The following DTNA variants were observed in gnomAD, a reference collection of about 807,000 sequenced individuals.
DTNA encodes the protein dystrobrevin alpha, also known as dystrophin-related protein 3.
Under a neutral mutation model 100.7 loss-of-function variants are expected in DTNA, and 43 were observed. The observed-to-expected ratio is 0.43, with a 90% CI of 0.33 to 0.55. DTNA has a LOEUF of 0.55. DTNA is among the 20% of genes least tolerant of loss of function. DTNA has a pLI of 0.04. For missense variants in DTNA, 798 were observed against 953.9 expected (o/e 0.84, Z 2.15); for synonymous variants, 349 against 347.9 (o/e 1.00, Z -0.04).
At chr18:34,550,744 T>C (rs1244560354) in intron 1 of DTNA, among the ~76,000 whole-genome samples, 3 of 152,168 alleles carry the variant, frequency 2.0e-5, no homozygotes, top group East Asian at 1.9e-4. Flanking sequence ...GATCTTCAAC[T>C]TTTTTCTATT....
intron 1 of DTNA, among the ~76,000 whole-genome samples, chr18:34,697,034 C>T (rs1385506081): frequency 1.3e-5 from 2 of 152,146 alleles, no homozygotes; most frequent in Non-Finnish European, 2.9e-5. Context: ...TAACAATCTA[C>T]GATGCTCAGG....
chr18:34,847,855 G>A (rs2096407915), intron 13 of DTNA, among the ~76,000 whole-genome samples: 1 of 152,220 alleles, frequency 6.6e-6, no homozygotes, highest in African/African-American at 2.4e-5. Context: ...GAAATTACAT[G>A]AGAATGTAAT....
At chr18:34,870,247 C>T (rs1177858678) in intron 17 of DTNA, among the ~76,000 whole-genome samples, 5 of 152,160 alleles carry the variant, frequency 3.3e-5, no homozygotes, top group Non-Finnish European at 1.5e-5. Flanking sequence ...ATCTCCTACC[C>T]TTATTCTCTT....
chr18:34,556,358 T>C (rs535902990), intron 1 of DTNA, among the ~76,000 whole-genome samples: 2 of 152,334 alleles, frequency 1.3e-5, no homozygotes, highest in South Asian at 4.2e-4. Flanking sequence ...TTGGCACATT[T>C]AGTCCATTTA....
intron 1 of DTNA, among the ~76,000 whole-genome samples, chr18:34,724,455 T>G (rs910542778): frequency 7.2e-5 from 11 of 152,234 alleles, no homozygotes; most frequent in African/African-American, 2.7e-4. Flanking sequence ...GTTTTTAATT[T>G]ATAAAGAAAA....
At chr18:34,669,958 A>T (rs2076512808) in intron 1 of DTNA, among the ~76,000 whole-genome samples, 1 of 152,136 alleles carries the variant, frequency 6.6e-6, no homozygotes, top group Non-Finnish European at 1.5e-5. Flanking sequence ...TATTTCCTGA[A>T]TTTGAATGTT....
intron 1 of DTNA, among the ~76,000 whole-genome samples, chr18:34,724,105 A>G (rs2086025167): frequency 6.6e-6 from 1 of 152,192 alleles, no homozygotes; most frequent in African/African-American, 2.4e-5. Flanking sequence ...CTCACACTTT[A>G]TTGGTGGTGA....
At chr18:34,760,301 C>G (rs1345287593) in intron 2 of DTNA, among the ~76,000 whole-genome samples, 1 of 152,142 alleles carries the variant, frequency 6.6e-6, no homozygotes, top group Non-Finnish European at 1.5e-5. Flanking sequence ...TCTGTCCCCT[C>G]TACTTCTCTT....
chr18:34,681,958 C>G (rs1275324707), intron 1 of DTNA, among the ~76,000 whole-genome samples: 1 of 152,124 alleles, frequency 6.6e-6, no homozygotes, highest in East Asian at 1.9e-4. Context: ...GTGCTCTTGC[C>G]TATTCATCCC....
At chr18:34,588,686 A>AGTGTGTGTGTGTGTGCGT (rs1555632823) in intron 1 of DTNA, among the ~76,000 whole-genome samples, 83 of 149,662 alleles carry the variant, frequency 5.5e-4, no homozygotes, top group African/African-American at 1.9e-3. Flanking sequence ...TGAATATTAT[A>AGTGTGTGTGTGTGTGCGT]GTGTGTGTGT....
intron 1 of DTNA, among the ~76,000 whole-genome samples, chr18:34,511,769 G>C (rs1436250824): frequency 6.6e-6 from 1 of 151,966 alleles, no homozygotes; most frequent in Non-Finnish European, 1.5e-5. Flanking sequence ...TTGGAAAAAT[G>C]AATCACAGTT....
At chr18:34,779,480 G>C (rs1272964281) in intron 3 of DTNA, among the ~76,000 whole-genome samples, 1 of 152,042 alleles carries the variant, frequency 6.6e-6, no homozygotes, top group Non-Finnish European at 1.5e-5. Flanking sequence ...TTTTTCCTTG[G>C]CCTAAACCCA....
chr18:34,689,573 A>G (rs1004244152), intron 1 of DTNA, among the ~76,000 whole-genome samples: 15 of 152,190 alleles, frequency 9.9e-5, no homozygotes, highest in African/African-American at 3.6e-4. Context: ...TGTATGAGGT[A>G]TCTATCGAAC....
chr18:34,879,527 T>C, intron 19 of DTNA, 24 bp from the exon 20 acceptor site: 1 of 1,613,770 alleles, frequency 6.2e-7, no homozygotes, highest in Admixed American at 1.7e-5. Context: ...AGTCATTCTT[T>C]ATTTCTTCAA....
In DTNA at chr18:34,523,510, A is replaced by G. The variant is rs1006201914; in HGVS notation, c.-2+29996A>G. Among the ~76,000 whole-genome samples, 6 of 152,204 alleles carry G rather than the reference A, an allele frequency of 3.9e-5. No homozygotes were observed. In the East Asian group the frequency reaches 1.2e-3, roughly 29 times the overall value. On this transcript the variant is annotated intron_variant, in intron 1 of 19. Transcript: ENST00000283365. ...TAGATAATTTATAAGCATCATGTCC[A>G]TCTAAATTATAAAAGAAAACCTCTC...
intron 5 of DTNA, among the ~76,000 whole-genome samples, chr18:34,809,659 G>A (rs972267685): frequency 9.2e-5 from 14 of 152,108 alleles, no homozygotes; most frequent in African/African-American, 3.4e-4. Context: ...TTTGTGCATA[G>A]GGTTGAGAGA....
chr18:34,496,127 C>G (rs2039167879), intron 1 of DTNA, among the ~76,000 whole-genome samples: 1 of 151,344 alleles, frequency 6.6e-6, no homozygotes, highest in African/African-American at 2.4e-5. Context: ...TGGAATCCAA[C>G]TAAACGGCAC....
At chr18:34,543,991 G>C (rs1329451579) in intron 1 of DTNA, among the ~76,000 whole-genome samples, 1 of 152,108 alleles carries the variant, frequency 6.6e-6, no homozygotes, top group Non-Finnish European at 1.5e-5. Flanking sequence ...CAGTTGCAAA[G>C]AGTGACAGCT....
At chr18:34,693,746 CTGTGTG>C (rs34072179) in intron 1 of DTNA, among the ~76,000 whole-genome samples, 2,651 of 143,104 alleles carry the variant, frequency 0.019, 36 homozygotes, top group African/African-American at 0.039. Flanking sequence ...CTTGTGTGCA[CTGTGTG>C]TGTGTGTGTG....
Sources: gnomAD v4.1 joint callset for allele counts (sites outside exome capture counted in the v4.1 genomes callset) on GRCh38, gnomAD v4.1.1 for gene constraint, MANE v1.5 for transcripts, NCBI Gene and HGNC (gene_info 2026-07-23, HGNC 2026-07-21) for gene names.